NAV3: variants seen among roughly 807,000 people sequenced by gnomAD.
NAV3 encodes the protein neuron navigator 3, also known as pore membrane and/or filament interacting like protein 1.
A neutral mutation model predicts 244.7 loss-of-function variants in NAV3; 87 were observed. The ratio of observed to expected loss-of-function variants is 0.36; its 90% CI spans 0.30 to 0.42. NAV3 has a LOEUF of 0.42. NAV3 is among the 20% of genes least tolerant of loss of function. The probability of loss-of-function intolerance (pLI) is 1.00; values close to 1 mark genes in which losing one functional copy is unlikely to be tolerated. For missense variants in NAV3, 2,663 were observed against 2,893.3 expected, an observed-to-expected ratio of 0.92 and a Z score of 1.83; for synonymous variants, 1,126 against 1,042.2, an observed-to-expected ratio of 1.08 and a Z score of -1.55.
At chr12:77,908,875 A>T (rs896938860) in intron 1 of NAV3, among the ~76,000 whole-genome samples, 3 of 152,130 alleles carry the variant, frequency 2.0e-5, no homozygotes, top group Admixed American at 2.0e-4. Context: ...AGAAGTTAAA[A>T]GTCTAAGTAG....
intron 21 of NAV3, among the ~76,000 whole-genome samples, chr12:78,146,912 A>C (rs1052758960): frequency 2.0e-5 from 3 of 152,116 alleles, no homozygotes; most frequent in African/African-American, 7.2e-5. Context: ...TGCACTCGTG[A>C]GCAAATCAAA....
At chr12:77,692,709 G>T (rs537135935) in intron 2 of NAV3, among the ~76,000 whole-genome samples, 1 of 151,978 alleles carries the variant, frequency 6.6e-6, no homozygotes, top group South Asian at 2.1e-4. Flanking sequence ...TTTATTTTTT[G>T]TTCTTGAGTG....
At chr12:77,646,701 TG>T (rs1360739867) in intron 2 of NAV3, among the ~76,000 whole-genome samples, 1 of 151,990 alleles carries the variant, frequency 6.6e-6, no homozygotes, top group Non-Finnish European at 1.5e-5. Context: ...TGCAAGATGT[TG>T]GGGTTGGGGG....
At chr12:77,953,619 C>G (rs558879674) in intron 3 of NAV3, among the ~76,000 whole-genome samples, 182 of 152,310 alleles carry the variant, frequency 1.2e-3, no homozygotes, top group African/African-American at 4.3e-3. Context: ...CCCTATTCCT[C>G]TCCCTATTTT....
At chr12:77,977,663 G>A (rs572288652) in intron 5 of NAV3, among the ~76,000 whole-genome samples, 2 of 150,488 alleles carry the variant, frequency 1.3e-5, no homozygotes, top group African/African-American at 4.9e-5. Flanking sequence ...AAATCAATAA[G>A]AGTGTTTAGA....
At chr12:78,052,234 C>T (rs190643407) in intron 11 of NAV3, 3 of 152,268 alleles carry the variant, frequency 2.0e-5, no homozygotes, top group East Asian at 1.9e-4. Flanking sequence ...AAAAAGAGTA[C>T]AAAATAGCTT....
At chr12:78,106,892 C>T (rs1203385834) in intron 12 of NAV3, among the ~76,000 whole-genome samples, 1 of 152,176 alleles carries the variant, frequency 6.6e-6, no homozygotes, top group Non-Finnish European at 1.5e-5. Flanking sequence ...AGCTTCATCA[C>T]AGCTTCTGTT....
chr12:77,762,457 G>A (rs931318247), intron 2 of NAV3, among the ~76,000 whole-genome samples: 10 of 151,924 alleles, frequency 6.6e-5, no homozygotes, highest in African/African-American at 2.4e-4. Context: ...AAAAAAATTA[G>A]CCAGGCATGT....
At chr12:77,747,940 G>A (rs938596033) in intron 2 of NAV3, among the ~76,000 whole-genome samples, 1 of 152,080 alleles carries the variant, frequency 6.6e-6, no homozygotes, top group African/African-American at 2.4e-5. Context: ...GTTACATGAC[G>A]AGATAATGGG....
intron 1 of NAV3, among the ~76,000 whole-genome samples, chr12:77,919,262 T>TCTTTG (rs1275374428): frequency 6.6e-6 from 1 of 152,080 alleles, no homozygotes; most frequent in Non-Finnish European, 1.5e-5. Context: ...GTCAAGTATT[T>TCTTTG]CTTTGCTTTG....
At chr12:78,203,256 G>A (rs746829989) in intron 38 of NAV3, among the ~76,000 whole-genome samples, 18 of 151,950 alleles carry the variant, frequency 1.2e-4, no homozygotes, top group Non-Finnish European at 2.5e-4. Flanking sequence ...TTGCTGTCCT[G>A]GATGGTTCTT....
chr12:77,733,118 T>C (rs1877194682), intron 2 of NAV3, among the ~76,000 whole-genome samples: 1 of 152,006 alleles, frequency 6.6e-6, no homozygotes, highest in East Asian at 1.9e-4. Flanking sequence ...ATTGGAAATA[T>C]CAGAGGAGGG....
chr12:78,009,258 TGA>T (rs1388165491), intron 8 of NAV3, among the ~76,000 whole-genome samples: 3 of 151,962 alleles, frequency 2.0e-5, no homozygotes, highest in African/African-American at 7.2e-5. Context: ...AGAAACTCTT[TGA>T]GTTTCTGTTT....
In NAV3 at chr12:77,679,351, G is replaced by A. The variant is rs867256079; in HGVS notation, c.72+107085G>A. ...TGGTGCTGACTGGATGGAGGGAGATGGATAAGAGATTGAATCCTTAAGATA... is the reference window on the plus strand; with the variant it reads ...TGGTGCTGACTGGATGGAGGGAGATAGATAAGAGATTGAATCCTTAAGATA... On this transcript the variant is annotated intron_variant, in intron 2 of 8. Coordinates refer to the NAV3 transcript ENST00000550042. 2.0e-5 allele frequency among the ~76,000 whole-genome samples: 3 copies of A among 152,248 alleles called. No individual in the cohort carries two copies. The South Asian group carries it at 6.2e-4, about 32-fold the overall frequency.
rs935556450 is a variant in NAV3 at position 78,212,448 on chromosome 12, C to G, written c.*1931C>G. 2.0e-5 allele frequency: 3 copies of G among 152,636 alleles called. No individual in the cohort carries two copies. The highest frequency in any genetic ancestry group is 4.4e-5 in the Non-Finnish European group (3 of 68,048). The allele number at this position is 152,636 out of a possible 1,614,324, so 9.5% of individuals were successfully genotyped here. On this transcript the variant is annotated 3_prime_UTR_variant, in exon 40 of 40. Coordinates refer to ENST00000397909, the MANE Select transcript of NAV3 (RefSeq NM_001024383.2). Reference sequence around the variant, plus strand: ...CAGAGTGTCACAAAGTCAATAGGTCCTTACACGGTGCTATTGCCCTAAGGG... The same window carrying G: ...CAGAGTGTCACAAAGTCAATAGGTCGTTACACGGTGCTATTGCCCTAAGGG...
intron 14 of NAV3, among the ~76,000 whole-genome samples, chr12:78,118,827 A>G (rs1275283338): frequency 1.3e-5 from 2 of 152,154 alleles, no homozygotes; most frequent in Non-Finnish European, 2.9e-5. Context: ...CTCTCCCCGT[A>G]TTTTTAAAAT....
chr12:77,701,150 G>T (rs947359437), intron 2 of NAV3, among the ~76,000 whole-genome samples: 5 of 151,688 alleles, frequency 3.3e-5, no homozygotes, highest in African/African-American at 1.2e-4. Context: ...TCTTTGTCTT[G>T]ATGGAATTCA....
intron 2 of NAV3, among the ~76,000 whole-genome samples, chr12:77,765,294 C>T (rs942292952): frequency 2.0e-5 from 3 of 152,126 alleles, no homozygotes; most frequent in African/African-American, 7.2e-5. Context: ...GCTGTTTGCT[C>T]CATAACTCCA....
At chr12:78,087,993 A>T (rs1953723173) in intron 12 of NAV3, among the ~76,000 whole-genome samples, 1 of 151,422 alleles carries the variant, frequency 6.6e-6, no homozygotes, top group African/African-American at 2.4e-5. Context: ...TTCCAAGCAT[A>T]ATTAATGCTA....
Sources: allele counts gnomAD v4.1 joint callset (sites outside exome capture counted in the v4.1 genomes callset), GRCh38; gene constraint gnomAD v4.1.1; transcripts MANE v1.5; gene names NCBI Gene and HGNC (gene_info 2026-07-23, HGNC 2026-07-21).